The following KYNU variants were observed in gnomAD, a reference collection of about 807,000 sequenced individuals.
KYNU encodes L-kynurenine hydrolase.
In KYNU, 54 loss-of-function variants were observed where a neutral mutation model predicts 59.2. The observed-to-expected ratio is 0.91, with a 90% CI of 0.73 to 1.14. The LOEUF is 1.14. Ranked by LOEUF, KYNU falls within the 50% of genes most tolerant of loss-of-function variation. KYNU has a pLI of 0.00. For missense variants in KYNU, 567 were observed against 554.4 expected, an observed-to-expected ratio of 1.02 and a Z score of -0.23; for synonymous variants, 177 against 192.0, an observed-to-expected ratio of 0.92 and a Z score of 0.65.
chr2:142,960,951 T>C (rs549633531), intron 8 of KYNU, among the ~76,000 whole-genome samples, 181 bp downstream of exon 8: 1 of 151,402 alleles, frequency 6.6e-6, no homozygotes, highest in South Asian at 2.1e-4. Flanking sequence ...ATCCCAGCAC[T>C]TGGGAGGCTG....
At chr2:142,972,336 A>G (rs892457914) in intron 8 of KYNU, among the ~76,000 whole-genome samples, 1 of 152,044 alleles carries the variant, frequency 6.6e-6, no homozygotes, top group African/African-American at 2.4e-5. Context: ...TCTCTCTAAT[A>G]CCTTCTCAAT....
chr2:143,045,570 A>C lies in KYNU; in HGVS notation c.*3398A>C, dbSNP rs1687152210. 6.6e-6 allele frequency: 1 copy of C among 152,076 alleles called. No individual in the cohort carries two copies. The allele number at this position is 152,076 out of a possible 1,614,324, so 9.4% of individuals were successfully genotyped here. On this transcript the variant is annotated 3_prime_UTR_variant, in exon 14 of 14. Transcript: ENST00000264170. ...CACATCCCTTGTAAGTTGTATTCCT[A>C]GGTATTTTATTCTCTTTGCAGCAAT... is the stretch of plus-strand genomic sequence containing the variant.
intron 10 of KYNU, among the ~76,000 whole-genome samples, chr2:143,023,180 T>G (rs908465369): frequency 2.4e-4 from 37 of 151,940 alleles, no homozygotes; most frequent in African/African-American, 6.5e-4. Flanking sequence ...AAAATCATTC[T>G]TATAAAGGAA....
chr2:143,029,561 A>C, intron 10 of KYNU, 66 bp from the exon 11 acceptor site: 3 of 973,282 alleles, frequency 3.1e-6, no homozygotes, highest in Non-Finnish European at 3.3e-6. Context: ...ACTCCAGCCT[A>C]GGCAGCAGAG....
intron 2 of KYNU, among the ~76,000 whole-genome samples, chr2:142,901,384 G>A (rs1558909925): frequency 2.0e-5 from 3 of 152,082 alleles, no homozygotes; most frequent in Non-Finnish European, 2.9e-5. Context: ...TTCCCAGAGG[G>A]GATTACCCCA....
intron 4 of KYNU, among the ~76,000 whole-genome samples, chr2:142,948,708 A>G (rs1407913733): frequency 1.3e-5 from 2 of 152,140 alleles, no homozygotes; most frequent in Non-Finnish European, 2.9e-5. Context: ...CTCCCACAAC[A>G]TGTGGGAATT....
chr2:142,952,414 T>G (rs1421864877), intron 4 of KYNU, among the ~76,000 whole-genome samples: 2 of 152,210 alleles, frequency 1.3e-5, no homozygotes, highest in East Asian at 3.9e-4. Context: ...TTTGTTTGTT[T>G]GTTTGTTTTC....
chr2:143,022,763 A>T (rs168476), intron 10 of KYNU, among the ~76,000 whole-genome samples: 53,927 of 151,710 alleles, frequency 0.36, 10,555 homozygotes, highest in East Asian at 0.52. Flanking sequence ...AAATTATTCA[A>T]TTAATCTAGA....
At chr2:142,947,969 C>T (rs772611402) in intron 4 of KYNU, 6 of 152,180 alleles carry the variant, frequency 3.9e-5, no homozygotes, top group Non-Finnish European at 7.4e-5. Context: ...GCCTGGGTGC[C>T]TCTTTATTTA....
rs915459192 is a variant in KYNU, at chr2:143,044,867, C to A, written c.*2695C>A. 1 of 151,226 alleles carries A rather than the reference C, an allele frequency of 6.6e-6. No individual in the cohort carries two copies. The highest frequency in any genetic ancestry group is 2.4e-5 in the African/African-American group (1 of 41,248). 9.4% of individuals were successfully genotyped at this position (151,226 alleles called of 1,614,324 possible). A position where few individuals can be genotyped will look rare whatever the true frequency, so the allele number is the denominator to read the frequency against. On this transcript the variant is annotated 3_prime_UTR_variant, in exon 14 of 14. Coordinates refer to ENST00000264170, the MANE Select transcript of KYNU (RefSeq NM_003937.3). ...CATTTGTCAGTTTTGGCTTTTGTTG[C>A]AATTGCTTTTGGTGTTTTAGTCTTA...
chr2:142,982,804 C>G (rs1186835571), intron 8 of KYNU, among the ~76,000 whole-genome samples: 2 of 151,988 alleles, frequency 1.3e-5, no homozygotes, highest in Non-Finnish European at 2.9e-5. Flanking sequence ...ATTTTGCTTA[C>G]CAAATAGTAT....
chr2:143,039,783 A>G (rs996475429), intron 12 of KYNU, among the ~76,000 whole-genome samples: 27 of 152,130 alleles, frequency 1.8e-4, no homozygotes, highest in African/African-American at 5.5e-4. Flanking sequence ...CTGGAGCCTC[A>G]GTAAATTTAC....
At chr2:142,883,618 C>T (rs1406547249) in intron 1 of KYNU, among the ~76,000 whole-genome samples, 1 of 152,132 alleles carries the variant, frequency 6.6e-6, no homozygotes, top group East Asian at 1.9e-4. Flanking sequence ...CATTTCCACC[C>T]CAGGAACTTT....
At chr2:142,950,348 G>A (rs1265789669) in intron 4 of KYNU, among the ~76,000 whole-genome samples, 1 of 152,098 alleles carries the variant, frequency 6.6e-6, no homozygotes, top group Non-Finnish European at 1.5e-5. Context: ...CTGTTTTCAT[G>A]CTGCTGATAA....
chr2:142,998,593 C>G (rs190655591), intron 10 of KYNU, among the ~76,000 whole-genome samples: 5 of 152,264 alleles, frequency 3.3e-5, no homozygotes, highest in Admixed American at 2.0e-4. Flanking sequence ...CTCAAGTTCA[C>G]TAAATCAAGT....
rs1191957659 is a variant in KYNU, at chr2:143,042,634, G to T, written c.*462G>T. The T allele has an allele frequency of 2.4e-5, 2 of 82,116 alleles. No homozygotes were observed. Among genetic ancestry groups the T allele is most frequent in the Admixed American group, 1.3e-4 (1 of 7,434 alleles). The allele number at this position is 82,116 out of a possible 1,614,324, so 5.1% of individuals were successfully genotyped here. ...TATATATATATATATATATATATGTGTGTGTGTGTGTGTGTATATATATAT... is the reference window on the plus strand; with the variant it reads ...TATATATATATATATATATATATGTTTGTGTGTGTGTGTGTATATATATAT... On this transcript the variant is annotated 3_prime_UTR_variant, in exon 14 of 14. Transcript: ENST00000264170.
At chr2:143,037,874 T>C (rs1027381549) in intron 12 of KYNU, among the ~76,000 whole-genome samples, 2 of 152,214 alleles carry the variant, frequency 1.3e-5, no homozygotes, top group African/African-American at 4.8e-5. Flanking sequence ...TTTTACCCTC[T>C]GTGAGATGAA....
chr2:143,049,346 C>A lies in KYNU; in HGVS notation c.*7174C>A, dbSNP rs1687224599. ...ACATTCTGGTTCCCCATTGAGCTTC[C>A]CTGCATCAGCTGTTTTGCCTGGTGG... On this transcript the variant is annotated 3_prime_UTR_variant, in exon 14 of 14. Coordinates refer to ENST00000264170, the MANE Select transcript of KYNU (RefSeq NM_003937.3). The A allele has an allele frequency of 6.6e-6, 1 of 152,090 alleles. No individual in the cohort carries two copies. Among genetic ancestry groups the A allele is most frequent in the Non-Finnish European group, 1.5e-5 (1 of 68,030 alleles). The allele number at this position is 152,090 out of a possible 1,614,324, so 9.4% of individuals were successfully genotyped here.
chr2:142,920,048 C>A (rs535302290), intron 3 of KYNU, among the ~76,000 whole-genome samples: 9 of 152,020 alleles, frequency 5.9e-5, no homozygotes, highest in African/African-American at 1.9e-4. Context: ...CCATCCTGGG[C>A]GACTCTGCTT....
Sources: gnomAD v4.1 joint callset for allele counts (sites outside exome capture counted in the v4.1 genomes callset) on GRCh38, gnomAD v4.1.1 for gene constraint, MANE v1.5 for transcripts, NCBI Gene and HGNC (gene_info 2026-07-23, HGNC 2026-07-21) for gene names.